OTP: variants seen among roughly 807,000 people sequenced by gnomAD.
OTP encodes the protein homeobox protein orthopedia.
Under a neutral mutation model 22.3 loss-of-function variants are expected in OTP, and 5 were observed. The ratio of observed to expected loss-of-function variants is 0.22; its 90% confidence interval spans 0.12 to 0.47. The LOEUF is 0.47. OTP is among the 20% of genes least tolerant of loss of function. The pLI is 0.99. For synonymous variants in OTP, 229 were observed against 210.6 expected (o/e 1.09, Z -0.76); for missense variants, 428 against 456.2 (o/e 0.94, Z 0.56).
At chr5:77,633,963 A>G (rs1339822551) in intron 2 of OTP, among the ~76,000 whole-genome samples, 1 of 152,168 alleles carries the variant, frequency 6.6e-6, no homozygotes, top group African/African-American at 2.4e-5. Flanking sequence ...AGAGGAAGAA[A>G]ATGCAATTTC....
At chr5:77,630,833 A>T in intron 2 of OTP, 39 bp from the exon 3 acceptor site, 1 of 1,489,958 alleles carries the variant, frequency 6.7e-7, no homozygotes, top group Non-Finnish European at 8.8e-7. Flanking sequence ...GGGAGCTATT[A>T]GCCGGCCCGG....
chr5:77,630,696 A>AG lies in OTP; in HGVS notation c.545dup (p.Gln183SerfsTer354). ...CGGCGGCGGCAGCCGACGGGAACTG[A>AG]GGCAGGCCTGGCGTGGGCAGCAGTG... is the stretch of plus-strand genomic sequence containing the variant. On this transcript the variant is annotated frameshift_variant, in exon 3 of 3. Transcript: ENST00000306422. LOFTEE classifies it high-confidence loss of function. The AG allele has an allele frequency of 6.3e-7, 1 of 1,583,574 alleles. No homozygotes were observed.
intron 1 of OTP, among the ~76,000 whole-genome samples, chr5:77,637,461 C>A (rs1008766137): frequency 1.3e-5 from 2 of 152,236 alleles, no homozygotes; most frequent in African/African-American, 4.8e-5. Flanking sequence ...TAGTAAACAG[C>A]ACAAGCTTTC....
intron 1 of OTP, 61 bp downstream of exon 1, chr5:77,638,452 C>G (rs1745043545): frequency 6.0e-6 from 9 of 1,511,428 alleles, no homozygotes; most frequent in Non-Finnish European, 8.1e-6. Context: ...AAATAAGGAA[C>G]AAATTGACAA....
At chr5:77,632,816 C>T (rs1049262798) in intron 2 of OTP, among the ~76,000 whole-genome samples, 1 of 152,118 alleles carries the variant, frequency 6.6e-6, no homozygotes, top group Non-Finnish European at 1.5e-5. Flanking sequence ...ATTAATGAGG[C>T]AACAGGGCTC....
intron 2 of OTP, chr5:77,636,537 G>T: frequency 2.8e-6 from 1 of 360,152 alleles, no homozygotes; most frequent in Non-Finnish European, 5.0e-6. Flanking sequence ...TGCCTTCTCA[G>T]GCGGAGGAGG....
intron 2 of OTP, among the ~76,000 whole-genome samples, chr5:77,633,515 A>T (rs1186903994): frequency 6.6e-6 from 1 of 152,202 alleles, no homozygotes; most frequent in Non-Finnish European, 1.5e-5. Context: ...GAATGCACAG[A>T]TGACAACTCC....
Position 77,637,597 on chromosome 5 carries a change from G to A in OTP, c.38-367C>T, listed in dbSNP as rs1160146951. ...ATCTTTGGACACAGGGGTGCGGGGG[G>A]CAGAAAGAAAATTAAACAATTCCTC... On this transcript the variant is annotated intron_variant, in intron 1 of 2. Transcript: ENST00000306422. Among the ~76,000 whole-genome samples the A allele has an allele frequency of 3.3e-5, 5 of 152,310 alleles. 1 individual carries two copies. The East Asian group carries it at 7.7e-4, about 24-fold the overall frequency.
In OTP at chr5:77,630,543, C is replaced by G. The variant is rs756439890; in HGVS notation, c.699G>C (p.Ala233=). 3.2e-6 allele frequency: 5 copies of G among 1,579,762 alleles called. No individual in the cohort carries two copies. The African/African-American group carries it at 6.7e-5, about 21-fold the overall frequency. The change falls in exon 3 of 3, where the codon GCG becomes GCC. Residue 233 remains alanine (A), a synonymous_variant. Coordinates refer to ENST00000306422, the MANE Select transcript of OTP (RefSeq NM_032109.3). ...CCAGGCTGCACTGGGACAGCGACTG[C>G]GCCATGGCCTGCTGCCTGCCCAGCG... ...PPALGRQQAM[A]QSLSQCSLAA... is the part of the protein sequence containing the mutation.
Position 77,637,162 on chromosome 5 carries a change from A to G in OTP, c.106T>C (p.Ser36Pro), listed in dbSNP as rs1362794947. The G allele has an allele frequency of 1.9e-6, 3 of 1,579,288 alleles. No homozygotes were observed. The African/African-American group carries it at 4.0e-5, about 21-fold the overall frequency. Residue 36 changes from serine (S) to proline (P), a missense_variant, in exon 2 of 3, where the codon TCC (serine) becomes CCC (proline). Physicochemically the swap from Ser to Pro is moderately conservative, Grantham distance 74. Coordinates refer to ENST00000306422, the MANE Select transcript of OTP (RefSeq NM_032109.3). ...AVKCRLGVGG[S>P]DPGGHPGDLA... The stretch of plus-strand genomic sequence containing the variant: ...TCCCCCGGATGGCCCCCGGGGTCGG[A>G]GCCCCCCACGCCCAGCCTACACTTC...
At chr5:77,632,737 C>A (rs1744950469) in intron 2 of OTP, among the ~76,000 whole-genome samples, 2 of 152,180 alleles carry the variant, frequency 1.3e-5, no homozygotes, top group Admixed American at 1.3e-4. Context: ...CTGCGTATCC[C>A]AGTGTCGGCG....
chr5:77,637,080 A>G lies in OTP; in HGVS notation c.188T>C (p.Ile63Thr), dbSNP rs1427333485. Residue 63 changes from isoleucine to threonine, a missense_variant, in exon 2 of 3, where the codon ATC (isoleucine) becomes ACC (threonine). By Grantham distance (89) the Ile-to-Thr change is moderately conservative (BLOSUM62 -1). Transcript: ENST00000306422. Reference sequence around the variant, plus strand: ...GGCCGGAGTAGAGCCCACTGTGGTGATGTCCTCCCCGGGCAGCAGAGTGGC... The same window carrying G: ...GGCCGGAGTAGAGCCCACTGTGGTGGTGTCCTCCCCGGGCAGCAGAGTGGC... ...EGATLLPGED[I>T]TTVGSTPASL... 1 of 1,613,376 alleles carries G rather than the reference A, an allele frequency of 6.2e-7. No individual in the cohort carries two copies. The highest frequency in any genetic ancestry group is 8.5e-7 in the Non-Finnish European group (1 of 1,179,798).
intron 2 of OTP, among the ~76,000 whole-genome samples, chr5:77,632,673 T>C (rs1287624363): frequency 6.6e-6 from 1 of 152,158 alleles, no homozygotes; most frequent in African/African-American, 2.4e-5. Context: ...CTACCGTGCC[T>C]GCGCCGTCGC....
chr5:77,630,241 G>A lies in OTP; in HGVS notation c.*23C>T. 9 of 1,482,978 alleles carry A rather than the reference G, an allele frequency of 6.1e-6. No individual in the cohort carries two copies. Among genetic ancestry groups the A allele is most frequent in the Non-Finnish European group, 8.0e-6 (9 of 1,120,136 alleles). 91.9% of individuals were successfully genotyped at this position (1,482,978 alleles called of 1,614,324 possible). Reference sequence around the variant, plus strand: ...GGCCCCCGGGGCGGTGCTGGGGGCGGAGCGGGCCGGGGCGCGGCTGCATTA... The same window carrying A: ...GGCCCCCGGGGCGGTGCTGGGGGCGAAGCGGGCCGGGGCGCGGCTGCATTA... On this transcript the variant is annotated 3_prime_UTR_variant, in exon 3 of 3. Coordinates refer to ENST00000306422, the MANE Select transcript of OTP (RefSeq NM_032109.3).
At chr5:77,633,816 T>C (rs1744965177) in intron 2 of OTP, among the ~76,000 whole-genome samples, 1 of 152,326 alleles carries the variant, frequency 6.6e-6, no homozygotes, top group African/African-American at 2.4e-5. Context: ...GAAGATCTCA[T>C]TGGAATCCAG....
intron 2 of OTP, among the ~76,000 whole-genome samples, chr5:77,631,093 C>G (rs1744922788): frequency 6.6e-6 from 1 of 152,252 alleles, no homozygotes; most frequent in Non-Finnish European, 1.5e-5. Flanking sequence ...TCACCACGCC[C>G]CTGCACATTC....
At chr5:77,634,843 C>T (rs1744984299) in intron 2 of OTP, among the ~76,000 whole-genome samples, 1 of 152,160 alleles carries the variant, frequency 6.6e-6, no homozygotes, top group Non-Finnish European at 1.5e-5. Flanking sequence ...TGTCTATCAG[C>T]AGGCTCAAGC....
At chr5:77,632,159 G>T (rs1447953404) in intron 2 of OTP, among the ~76,000 whole-genome samples, 1 of 150,318 alleles carries the variant, frequency 6.7e-6, no homozygotes, top group Non-Finnish European at 1.5e-5. Flanking sequence ...AGGCAAATTT[G>T]CCTAGGCATG....
At chr5:77,638,371 A>C in intron 1 of OTP, 142 bp downstream of exon 1, 1 of 794,084 alleles carries the variant, frequency 1.3e-6, no homozygotes, top group Non-Finnish European at 2.1e-6. Context: ...AGGCGATGTT[A>C]AATCAAATTA....
Sources: gnomAD v4.1 joint callset for allele counts (sites outside exome capture counted in the v4.1 genomes callset) on GRCh38, gnomAD v4.1.1 for gene constraint, MANE v1.5 for transcripts, NCBI Gene and HGNC (gene_info 2026-07-23, HGNC 2026-07-21) for gene names.